EVI5: variants seen among roughly 807,000 people sequenced by gnomAD.
EVI5 encodes ecotropic viral integration site 5 protein homolog.
Under a neutral mutation model 112.0 loss-of-function variants are expected in EVI5, and 73 were observed. The observed-to-expected ratio is 0.65, with a 90% confidence interval of 0.54 to 0.79. The LOEUF (loss-of-function observed/expected upper bound fraction) is 0.79, where lower values mean the gene tolerates loss of function less well. Among genes scored for constraint, EVI5 ranks in the 30% least tolerant of loss-of-function variants. The pLI is 0.00. For missense variants in EVI5, 900 were observed against 968.8 expected (o/e 0.93, Z 0.94); for synonymous variants, 305 against 319.9 (o/e 0.95, Z 0.50).
intron 10 of EVI5, among the ~76,000 whole-genome samples, chr1:92,666,909 G>A (rs532342701): frequency 6.6e-6 from 1 of 152,262 alleles, no homozygotes; most frequent in African/African-American, 2.4e-5. Flanking sequence ...ACCTCCAACA[G>A]AGCCTACCTA....
chr1:92,630,902 C>G (rs1656905317), intron 14 of EVI5, among the ~76,000 whole-genome samples: 1 of 151,744 alleles, frequency 6.6e-6, no homozygotes, highest in Admixed American at 6.6e-5. Flanking sequence ...GCCAGTTTTC[C>G]CAGCACCATT....
At chr1:92,729,292 T>G (rs986542530) in intron 2 of EVI5, among the ~76,000 whole-genome samples, 1 of 152,190 alleles carries the variant, frequency 6.6e-6, no homozygotes, top group African/African-American at 2.4e-5. Context: ...TGAACAGAAA[T>G]ACGTTTCAGT....
intron 1 of EVI5, chr1:92,756,367 G>A (rs1680954128): frequency 5.8e-6 from 3 of 520,636 alleles, no homozygotes; most frequent in South Asian, 4.3e-5. Context: ...CAGATTTCCT[G>A]GAAGTACTGT....
chr1:92,638,414 G>C (rs1659315704), intron 13 of EVI5, among the ~76,000 whole-genome samples: 1 of 151,950 alleles, frequency 6.6e-6, no homozygotes, highest in South Asian at 2.1e-4. Flanking sequence ...TTTTGCCACT[G>C]ACAGAGTTTA....
At chr1:92,591,018 G>A (rs1050199626) in intron 18 of EVI5, among the ~76,000 whole-genome samples, 16 of 152,106 alleles carry the variant, frequency 1.1e-4, no homozygotes, top group Non-Finnish European at 2.2e-4. Context: ...AAACTAAGCT[G>A]CATAAGTAAA....
intron 9 of EVI5, among the ~76,000 whole-genome samples, chr1:92,681,567 T>G (rs1387560388): frequency 2.0e-5 from 3 of 152,328 alleles, no homozygotes; most frequent in Non-Finnish European, 4.4e-5. Flanking sequence ...CTTCTTAAAA[T>G]GCCCTCCTTC....
intron 18 of EVI5, among the ~76,000 whole-genome samples, chr1:92,582,397 G>T (rs1370641477): frequency 6.6e-6 from 1 of 152,164 alleles, no homozygotes; most frequent in Non-Finnish European, 1.5e-5. Context: ...CAGTAACAAT[G>T]TGAGGGGCCT....
intron 18 of EVI5, among the ~76,000 whole-genome samples, chr1:92,579,750 C>T (rs1049974545): frequency 1.8e-4 from 27 of 152,284 alleles, no homozygotes; most frequent in African/African-American, 6.5e-4. Flanking sequence ...TATGAGCTCT[C>T]AAACTCCTGG....
At chr1:92,565,829 G>C (rs764612725) in intron 18 of EVI5, among the ~76,000 whole-genome samples, 1 of 151,362 alleles carries the variant, frequency 6.6e-6, no homozygotes, top group Non-Finnish European at 1.5e-5. Context: ...GATTAGCCGG[G>C]TGTGGTAGTG....
intron 18 of EVI5, among the ~76,000 whole-genome samples, chr1:92,583,224 T>G (rs763099151): frequency 6.6e-6 from 1 of 152,014 alleles, no homozygotes; most frequent in Non-Finnish European, 1.5e-5. Flanking sequence ...AAAATAACCT[T>G]GGGGTCAGGC....
intron 13 of EVI5, among the ~76,000 whole-genome samples, chr1:92,649,870 G>A (rs911235068): frequency 3.3e-5 from 5 of 152,170 alleles, no homozygotes; most frequent in African/African-American, 9.7e-5. Flanking sequence ...TATACAGTAT[G>A]TTAGGCATCT....
At chr1:92,632,421 T>C (rs1023262855) in intron 14 of EVI5, among the ~76,000 whole-genome samples, 10 of 152,228 alleles carry the variant, frequency 6.6e-5, no homozygotes, top group Non-Finnish European at 1.3e-4. Context: ...AAGGTGTATG[T>C]GTCGAGGAAT....
In EVI5 at chr1:92,509,478, A is replaced by C. The variant is rs1659057475; in HGVS notation, c.*4178T>G. The C allele has an allele frequency of 7.0e-6, 1 of 143,564 alleles. No individual in the cohort carries two copies. The highest frequency in any genetic ancestry group is 2.5e-5 in the African/African-American group (1 of 40,022). The allele number at this position is 143,564 out of a possible 1,614,324, so 8.9% of individuals were successfully genotyped here. Reference sequence around the variant, plus strand: ...GAAATTGTGTAAAATTACATCTTTGACTTCTTTTCCCAGGATTTTTTTTTT... The same window carrying C: ...GAAATTGTGTAAAATTACATCTTTGCCTTCTTTTCCCAGGATTTTTTTTTT... On this transcript the variant is annotated 3_prime_UTR_variant, in exon 20 of 20. Transcript: ENST00000684568.
intron 2 of EVI5, among the ~76,000 whole-genome samples, chr1:92,721,034 C>T (rs1194541880): frequency 6.6e-6 from 1 of 152,120 alleles, no homozygotes; most frequent in Non-Finnish European, 1.5e-5. Flanking sequence ...ACAACAGATG[C>T]TGGAGAGGAT....
At chr1:92,629,195 C>T (rs934413535) in intron 14 of EVI5, among the ~76,000 whole-genome samples, 1 of 152,140 alleles carries the variant, frequency 6.6e-6, no homozygotes, top group Admixed American at 6.5e-5. Context: ...CTCAACAAAT[C>T]GAGATAATAC....
chr1:92,671,904 G>A (rs1665941838), intron 10 of EVI5, among the ~76,000 whole-genome samples: 1 of 150,164 alleles, frequency 6.7e-6, no homozygotes, highest in South Asian at 2.1e-4. Flanking sequence ...CCTGGTTCTA[G>A]TGATCCTCCT....
intron 1 of EVI5, among the ~76,000 whole-genome samples, chr1:92,777,002 C>T (rs1684234007): frequency 1.3e-5 from 2 of 152,078 alleles, no homozygotes; most frequent in Admixed American, 1.3e-4. Flanking sequence ...CGGGGTTTCA[C>T]CATGTTAGCC....
chr1:92,720,703 C>T (rs1347312539), intron 2 of EVI5, among the ~76,000 whole-genome samples: 3 of 152,100 alleles, frequency 2.0e-5, no homozygotes, highest in African/African-American at 7.2e-5. Flanking sequence ...AGAGCTTCTG[C>T]ACAGCAAAAG....
chr1:92,602,546 A>G (rs1174391802), intron 18 of EVI5, among the ~76,000 whole-genome samples: 1 of 152,038 alleles, frequency 6.6e-6, no homozygotes, highest in African/African-American at 2.4e-5. Flanking sequence ...GAGCTACAGG[A>G]GTGTACTATC....
Sources: gnomAD v4.1 joint callset for allele counts (sites outside exome capture counted in the v4.1 genomes callset) on GRCh38, gnomAD v4.1.1 for gene constraint, MANE v1.5 for transcripts, NCBI Gene and HGNC (gene_info 2026-07-23, HGNC 2026-07-21) for gene names.